NAV2: variants seen among roughly 807,000 people sequenced by gnomAD.
NAV2 encodes neuron navigator 2, also known as helicase, APC down-regulated 1.
In NAV2, 54 loss-of-function variants were observed where a neutral mutation model predicts 223.2. That is an observed-to-expected ratio of 0.24 (90% CI 0.19 to 0.30). The LOEUF is 0.30. NAV2 is among the 10% of genes least tolerant of loss of function. The pLI, the probability that NAV2 is intolerant of heterozygous loss-of-function variation, is 1.00. For missense variants in NAV2, 2,806 were observed against 3,147.5 expected (o/e 0.89, Z 2.60); for synonymous variants, 1,279 against 1,239.3 (o/e 1.03, Z -0.67).
At chr11:19,730,790 C>G (rs1240092931) in intron 1 of NAV2, among the ~76,000 whole-genome samples, 1 of 151,946 alleles carries the variant, frequency 6.6e-6, no homozygotes, top group Middle Eastern at 3.4e-3. Flanking sequence ...CCCCTTGGTC[C>G]TCAGGGGCAT....
chr11:20,012,628 T>C (rs933531435), intron 11 of NAV2, among the ~76,000 whole-genome samples: 2 of 149,304 alleles, frequency 1.3e-5, no homozygotes, highest in African/African-American at 2.5e-5. Context: ...TGAGCCGAGA[T>C]TGTGCCACTG....
At chr11:19,392,915 T>C (rs910042852) in intron 1 of NAV2, among the ~76,000 whole-genome samples, 2 of 152,214 alleles carry the variant, frequency 1.3e-5, no homozygotes, top group African/African-American at 2.4e-5. Flanking sequence ...TCTGAGGTGA[T>C]ACGTGACTTG....
intron 36 of NAV2, 51 bp downstream of exon 36, chr11:20,107,833 G>C (rs1197216453): frequency 8.0e-7 from 1 of 1,243,064 alleles, no homozygotes; most frequent in Non-Finnish European, 1.2e-6. Flanking sequence ...GACTGTTCTG[G>C]TGACCAGATG....
At chr11:19,912,820 C>A (rs2043431009) in intron 6 of NAV2, among the ~76,000 whole-genome samples, 1 of 152,196 alleles carries the variant, frequency 6.6e-6, no homozygotes, top group South Asian at 2.1e-4. Flanking sequence ...AGCTGTACTG[C>A]AGTTCAGAGA....
rs1051778186 is a variant in NAV2, at chr11:20,013,442, A to G, written c.2769-22517A>G. Among the ~76,000 whole-genome samples, 3 of 150,552 alleles carry G rather than the reference A, an allele frequency of 2.0e-5. No individual in the cohort carries two copies. In the East Asian group the frequency reaches 5.9e-4, roughly 30 times the overall value. Reference sequence around the variant, plus strand: ...TTTCAGCTAGCCTTCCCGCTAGGCAAATACCTAGAATGAGTTGGGCTCTTT... The same window carrying G: ...TTTCAGCTAGCCTTCCCGCTAGGCAGATACCTAGAATGAGTTGGGCTCTTT... On this transcript the variant is annotated intron_variant, in intron 11 of 37. Transcript: ENST00000349880.
intron 10 of NAV2, among the ~76,000 whole-genome samples, chr11:19,968,143 C>T (rs897221937): frequency 1.3e-5 from 2 of 151,988 alleles, no homozygotes; most frequent in African/African-American, 4.8e-5. Flanking sequence ...ACTTTACTAC[C>T]TAGAGTTCAT....
intron 1 of NAV2, among the ~76,000 whole-genome samples, chr11:19,451,293 A>G (rs1470626705): frequency 6.6e-6 from 1 of 151,846 alleles, no homozygotes; most frequent in African/African-American, 2.4e-5. Flanking sequence ...TTCTTTCATG[A>G]CTCCAAGATA....
intron 1 of NAV2, among the ~76,000 whole-genome samples, chr11:19,372,206 G>A (rs1247680637): frequency 1.3e-5 from 2 of 152,182 alleles, no homozygotes; most frequent in South Asian, 2.1e-4. Flanking sequence ...TTCCCCCTCT[G>A]AATGCCTCAG....
chr11:19,532,167 A>G (rs997443302), intron 1 of NAV2, among the ~76,000 whole-genome samples: 1 of 152,056 alleles, frequency 6.6e-6, no homozygotes, highest in Admixed American at 6.5e-5. Flanking sequence ...TTGGGCAGTG[A>G]AAGATCTTTT....
intron 10 of NAV2, among the ~76,000 whole-genome samples, chr11:19,971,943 T>C (rs988961592): frequency 2.6e-5 from 4 of 152,218 alleles, no homozygotes; most frequent in Non-Finnish European, 4.4e-5. Flanking sequence ...CCTCAGGTGA[T>C]CCACCCACGT....
intron 36 of NAV2, among the ~76,000 whole-genome samples, chr11:20,114,101 T>A (rs945045577): frequency 6.6e-6 from 1 of 152,346 alleles, no homozygotes; most frequent in South Asian, 2.1e-4. Context: ...TAGGCAGTAT[T>A]CTTTGGGTAG....
At chr11:19,388,648 G>A (rs142103122) in intron 1 of NAV2, among the ~76,000 whole-genome samples, 12 of 152,272 alleles carry the variant, frequency 7.9e-5, no homozygotes, top group African/African-American at 2.4e-4. Context: ...GCTTGACCCC[G>A]AATGCTGCTT....
At chr11:19,854,961 C>G (rs920274138) in intron 3 of NAV2, among the ~76,000 whole-genome samples, 3 of 152,114 alleles carry the variant, frequency 2.0e-5, no homozygotes, top group African/African-American at 7.2e-5. Flanking sequence ...AAAGCACTTG[C>G]TGTTTGGTTG....
At chr11:20,057,076 G>T (rs1256401211) in intron 19 of NAV2, among the ~76,000 whole-genome samples, 1 of 152,224 alleles carries the variant, frequency 6.6e-6, no homozygotes, top group African/African-American at 2.4e-5. Flanking sequence ...CTATACATCT[G>T]GTTGTCCCTT....
chr11:20,038,684 C>T (rs2056630366), intron 12 of NAV2, among the ~76,000 whole-genome samples: 2 of 152,188 alleles, frequency 1.3e-5, no homozygotes, highest in Admixed American at 1.3e-4. Flanking sequence ...GTTCCTGTCA[C>T]ATACTGGTTT....
intron 7 of NAV2, among the ~76,000 whole-genome samples, chr11:19,937,731 C>T (rs1252028195): frequency 6.6e-6 from 1 of 152,228 alleles, no homozygotes; most frequent in Non-Finnish European, 1.5e-5. Context: ...GAGACTTAAA[C>T]ATTTCTTATT....
chr11:19,442,676 G>A (rs921611716), intron 1 of NAV2, among the ~76,000 whole-genome samples: 3 of 152,174 alleles, frequency 2.0e-5, no homozygotes, highest in Non-Finnish European at 4.4e-5. Context: ...CATAGCAAGG[G>A]CCCAGGGCTC....
chr11:19,383,880 T>A (rs1848937900), intron 1 of NAV2, among the ~76,000 whole-genome samples: 1 of 152,222 alleles, frequency 6.6e-6, no homozygotes, highest in Admixed American at 6.5e-5. Flanking sequence ...CAATTCCACT[T>A]CCAGGAATTT....
intron 1 of NAV2, among the ~76,000 whole-genome samples, chr11:19,354,532 G>T (rs971741304): frequency 6.6e-6 from 1 of 152,236 alleles, no homozygotes; most frequent in African/African-American, 2.4e-5. Context: ...ATAGGGCAAA[G>T]TTGGTGTAGT....
Sources: allele counts gnomAD v4.1 joint callset (sites outside exome capture counted in the v4.1 genomes callset), GRCh38; gene constraint gnomAD v4.1.1; transcripts MANE v1.5; gene names NCBI Gene and HGNC (gene_info 2026-07-23, HGNC 2026-07-21).